The following NPAS3 variants were observed in gnomAD, a reference collection of about 807,000 sequenced individuals.
NPAS3 encodes neuronal PAS domain-containing protein 3.
In NPAS3, 14 loss-of-function variants were observed where a neutral mutation model predicts 73.1. That is an observed-to-expected ratio of 0.19 (90% CI 0.13 to 0.30). The LOEUF (loss-of-function observed/expected upper bound fraction) is 0.30, where lower values mean the gene tolerates loss of function less well. NPAS3 is among the 10% of genes least tolerant of loss of function. The pLI is 1.00. For synonymous variants in NPAS3, 620 were observed against 541.5 expected (o/e 1.14, Z -2.01); for missense variants, 1,096 against 1,250.0 (o/e 0.88, Z 1.86).
rs774886036 is a variant in NPAS3 at position 33,735,296 on chromosome 14, C to G, written c.816C>G (p.Thr272=). Reference sequence around the variant, plus strand: ...TCATCCGAATGAAATCTACTCTGACCAAACGCGGTGTGCACATCAAATCAT... The same window carrying G: ...TCATCCGAATGAAATCTACTCTGACGAAACGCGGTGTGCACATCAAATCAT... The change falls in exon 7 of 12, where the codon ACC becomes ACG. Residue 272 remains threonine (T), a synonymous_variant. Transcript: ENST00000356141. 4 of 1,613,576 alleles carry G rather than the reference C, an allele frequency of 2.5e-6. No homozygotes were observed. The South Asian group carries it at 4.4e-5, about 18-fold the overall frequency.
At position 33,004,941 on chromosome 14, in the gene NPAS3, T is replaced by G. The variant is rs971580110; in HGVS notation, c.51-50964T>G. ...TACCACTGTCTTCCACCTTCACATC[T>G]TGTCCCACTGGAAGGTCTTCAGGGG... On this transcript the variant is annotated intron_variant, in intron 1 of 11. Transcript: ENST00000356141. Among the ~76,000 whole-genome samples the G allele has an allele frequency of 2.0e-4, 30 of 151,552 alleles. 1 individual carries two copies. Among genetic ancestry groups the G allele is most frequent in the Middle Eastern group, 6.3e-3 (2 of 316 alleles).
intron 6 of NPAS3, among the ~76,000 whole-genome samples, chr14:33,682,281 C>G (rs1025798227): frequency 1.3e-5 from 2 of 152,150 alleles, no homozygotes; most frequent in African/African-American, 4.8e-5. Flanking sequence ...ACGAGTCCCC[C>G]AAATCGGTCT....
At chr14:33,240,077 C>T (rs551037845) in intron 3 of NPAS3, among the ~76,000 whole-genome samples, 1 of 151,946 alleles carries the variant, frequency 6.6e-6, no homozygotes, top group East Asian at 1.9e-4. Flanking sequence ...ACATCAGTTG[C>T]ACAATGTAAT....
At chr14:33,172,918 GTTA>G (rs2045451860) in intron 2 of NPAS3, among the ~76,000 whole-genome samples, 1 of 151,794 alleles carries the variant, frequency 6.6e-6, no homozygotes, top group Non-Finnish European at 1.5e-5. Flanking sequence ...GAAAAAGGAG[GTTA>G]TTATTAATCA....
At chr14:33,729,600 T>G (rs1027767462) in intron 6 of NPAS3, among the ~76,000 whole-genome samples, 1 of 152,084 alleles carries the variant, frequency 6.6e-6, no homozygotes, top group African/African-American at 2.4e-5. Context: ...CTGAAGTGAC[T>G]GTTAGTAGGA....
intron 5 of NPAS3, among the ~76,000 whole-genome samples, chr14:33,642,454 G>A (rs955911547): frequency 2.6e-5 from 4 of 152,102 alleles, no homozygotes; most frequent in Non-Finnish European, 1.5e-5. Context: ...GAGAACAATG[G>A]CCCAGGAATG....
intron 4 of NPAS3, among the ~76,000 whole-genome samples, chr14:33,386,299 T>G (rs544694489): frequency 2.6e-4 from 40 of 152,278 alleles, no homozygotes; most frequent in Non-Finnish European, 4.3e-4. Flanking sequence ...AGTAAGTACT[T>G]TTTTATCTCA....
chr14:33,728,246 C>T (rs1369393478), intron 6 of NPAS3, among the ~76,000 whole-genome samples: 1 of 152,146 alleles, frequency 6.6e-6, no homozygotes, highest in Non-Finnish European at 1.5e-5. Context: ...GCCAGATAGT[C>T]CCAGGGAGTT....
At chr14:33,059,981 C>G (rs1218458578) in intron 2 of NPAS3, among the ~76,000 whole-genome samples, 1 of 152,018 alleles carries the variant, frequency 6.6e-6, no homozygotes, top group Non-Finnish European at 1.5e-5. Context: ...CAAGGTCTTA[C>G]TCTGTTACCC....
At chr14:33,303,240 C>T (rs1389271627) in intron 3 of NPAS3, among the ~76,000 whole-genome samples, 2 of 151,936 alleles carry the variant, frequency 1.3e-5, no homozygotes, top group Admixed American at 6.6e-5. Flanking sequence ...TGTATTCGAA[C>T]AGAGTGGGTA....
intron 2 of NPAS3, among the ~76,000 whole-genome samples, chr14:33,198,425 GAC>G (rs1233006564): frequency 1.3e-5 from 2 of 152,188 alleles, no homozygotes; most frequent in Admixed American, 6.5e-5. Context: ...TCCTGAGCTA[GAC>G]ACAGAGTGCT....
chr14:33,144,263 G>A (rs2044161169), intron 2 of NPAS3, among the ~76,000 whole-genome samples: 1 of 152,184 alleles, frequency 6.6e-6, no homozygotes, highest in Admixed American at 6.5e-5. Context: ...CCTAATGGAT[G>A]TGAAGTGGGA....
At chr14:33,536,349 T>G (rs2054261152) in intron 4 of NPAS3, among the ~76,000 whole-genome samples, 1 of 152,238 alleles carries the variant, frequency 6.6e-6, no homozygotes, top group Non-Finnish European at 1.5e-5. Flanking sequence ...TTTTAAAAGA[T>G]TTTTATTTTC....
rs140283607 is a variant in NPAS3, at chr14:33,624,881, A to T, written c.559-51330A>T. On this transcript the variant is annotated intron_variant, in intron 5 of 11. Transcript: ENST00000356141. ...AAACTACTTCCTGCCTACTCCTTACATGTGTGTGTGCACAGTGGGTATTTG... is the reference window on the plus strand; with the variant it reads ...AAACTACTTCCTGCCTACTCCTTACTTGTGTGTGTGCACAGTGGGTATTTG... Among the ~76,000 whole-genome samples, 209 of 152,294 alleles carry T rather than the reference A, an allele frequency of 1.4e-3. 1 individual carries two copies. The highest frequency in any genetic ancestry group is 5.0e-3 in the African/African-American group (207 of 41,562).
At chr14:33,729,417 C>T (rs376836921) in intron 6 of NPAS3, among the ~76,000 whole-genome samples, 13 of 152,084 alleles carry the variant, frequency 8.5e-5, no homozygotes, top group African/African-American at 1.2e-4. Flanking sequence ...CAAATATTGA[C>T]GGCTTTAAAA....
chr14:33,232,108 G>A (rs565219219), intron 3 of NPAS3, among the ~76,000 whole-genome samples: 231 of 152,286 alleles, frequency 1.5e-3, no homozygotes, highest in Non-Finnish European at 2.1e-3. Context: ...TTGAGTGACA[G>A]TAGCAAGAAG....
chr14:33,419,910 A>G (rs541855428), intron 4 of NPAS3, among the ~76,000 whole-genome samples: 1 of 152,098 alleles, frequency 6.6e-6, no homozygotes, highest in South Asian at 2.1e-4. Context: ...GTGACAGAAT[A>G]TACTAAGTGC....
At chr14:33,368,021 C>T (rs1398682860) in intron 4 of NPAS3, among the ~76,000 whole-genome samples, 1 of 152,052 alleles carries the variant, frequency 6.6e-6, no homozygotes, top group Non-Finnish European at 1.5e-5. Context: ...ATAAATGTTG[C>T]CATGGCCACT....
At chr14:33,581,610 G>T (rs892101178) in intron 5 of NPAS3, among the ~76,000 whole-genome samples, 1 of 151,992 alleles carries the variant, frequency 6.6e-6, no homozygotes, top group African/African-American at 2.4e-5. Flanking sequence ...TCACTCTGTC[G>T]CCCAGGCTGG....
Sources: allele counts gnomAD v4.1 joint callset (sites outside exome capture counted in the v4.1 genomes callset), GRCh38; gene constraint gnomAD v4.1.1; transcripts MANE v1.5; gene names NCBI Gene and HGNC (gene_info 2026-07-23, HGNC 2026-07-21).